FRMD5: variants seen among roughly 807,000 people sequenced by gnomAD.
The protein encoded by FRMD5 is FERM domain-containing protein 5.
FRMD5 carries 20 observed loss-of-function variants against 69.0 expected under a neutral mutation model. That is an observed-to-expected ratio of 0.29 (90% CI 0.20 to 0.42). The LOEUF (loss-of-function observed/expected upper bound fraction) is 0.42, where lower values mean the gene tolerates loss of function less well. FRMD5 is among the 10% of genes least tolerant of loss of function. The probability of loss-of-function intolerance (pLI) is 1.00; values close to 1 mark genes in which losing one functional copy is unlikely to be tolerated. For synonymous variants in FRMD5, 271 were observed against 260.1 expected, an observed-to-expected ratio of 1.04 and a Z score of -0.40; for missense variants, 595 against 708.6, an observed-to-expected ratio of 0.84 and a Z score of 1.82.
chr15:44,001,739 T>G (rs904452131), intron 1 of FRMD5, among the ~76,000 whole-genome samples: 1 of 152,004 alleles, frequency 6.6e-6, no homozygotes, highest in Admixed American at 6.6e-5. Flanking sequence ...CCCAAGTAGC[T>G]GGGACTACAG....
Position 43,902,012 on chromosome 15 carries a change from G to T in FRMD5, c.639+163C>A. On this transcript the variant is annotated intron_variant, in intron 7 of 13. Transcript: ENST00000417257. ...GGCACCACAAAATTATGTAGCATGT[G>T]ATCCAGAGGAGTTTTCAAAGCAGGC... 4.8e-6 allele frequency: 3 copies of T among 630,718 alleles called. No homozygotes were observed. In the South Asian group the frequency reaches 5.9e-5, roughly 12 times the overall value. The allele number at this position is 630,718 out of a possible 1,614,324, so 39.1% of individuals were successfully genotyped here.
intron 1 of FRMD5, among the ~76,000 whole-genome samples, chr15:43,978,022 C>CT (rs936207703): frequency 1.2e-4 from 18 of 151,826 alleles, no homozygotes; most frequent in Non-Finnish European, 2.4e-4. Flanking sequence ...ATTATAAAAA[C>CT]TTTATTATAA....
upstream of FRMD5, among the ~76,000 whole-genome samples, chr15:44,195,438 C>A (rs965972126): frequency 3.3e-5 from 5 of 152,204 alleles, no homozygotes; most frequent in Admixed American, 1.3e-4. Context: ...GAAAAGCAGT[C>A]GGACCTAGTC....
intron 1 of FRMD5, among the ~76,000 whole-genome samples, chr15:44,166,674 C>A (rs112667855): frequency 6.6e-6 from 1 of 150,494 alleles, no homozygotes; most frequent in African/African-American, 2.5e-5. Context: ...ATCCCAGCTA[C>A]TCGGGAGGCT....
intron 1 of FRMD5, among the ~76,000 whole-genome samples, chr15:44,030,405 G>C (rs1338445600): frequency 1.3e-5 from 2 of 152,006 alleles, no homozygotes; most frequent in Admixed American, 6.6e-5. Flanking sequence ...TTGAGCAACA[G>C]TATAATGTAC....
chr15:44,014,077 C>A (rs758593570), intron 1 of FRMD5, among the ~76,000 whole-genome samples: 1 of 152,006 alleles, frequency 6.6e-6, no homozygotes, highest in Non-Finnish European at 1.5e-5. Flanking sequence ...CCAGGCTGAT[C>A]TCGATCTCTG....
At chr15:44,002,609 G>C (rs1004947129) in intron 1 of FRMD5, among the ~76,000 whole-genome samples, 1 of 152,220 alleles carries the variant, frequency 6.6e-6, no homozygotes, top group Non-Finnish European at 1.5e-5. Context: ...CAAGCAGGGG[G>C]TATGTGACTG....
chr15:44,016,651 A>G (rs1376765939), intron 1 of FRMD5, among the ~76,000 whole-genome samples: 1 of 151,796 alleles, frequency 6.6e-6, no homozygotes, highest in African/African-American at 2.4e-5. Context: ...TGAACCCGGG[A>G]GGTGGAGGCT....
chr15:44,132,864 TCTC>T (rs199902521), intron 1 of FRMD5, among the ~76,000 whole-genome samples: 9,159 of 151,858 alleles, frequency 0.06, 388 homozygotes, highest in Non-Finnish European at 0.09. Flanking sequence ...TTCAAGCAAT[TCTC>T]CTGCCTCAGC....
intron 7 of FRMD5, 71 bp downstream of exon 7, chr15:43,902,104 C>T: frequency 9.1e-7 from 1 of 1,099,950 alleles, no homozygotes; most frequent in Non-Finnish European, 1.4e-6. Flanking sequence ...TGAGCGCAGG[C>T]ATGGGGGCTC....
At chr15:44,037,793 T>G (rs1199085966) in intron 1 of FRMD5, among the ~76,000 whole-genome samples, 2 of 151,954 alleles carry the variant, frequency 1.3e-5, no homozygotes, top group African/African-American at 4.8e-5. Context: ...TATAGTAGAA[T>G]GATTTATAAT....
At chr15:44,094,150 C>A (rs2076516734) in intron 1 of FRMD5, among the ~76,000 whole-genome samples, 1 of 152,138 alleles carries the variant, frequency 6.6e-6, no homozygotes, top group Non-Finnish European at 1.5e-5. Flanking sequence ...ATCATGACAA[C>A]AAATCAAGGC....
chr15:44,079,003 T>C (rs865776019), intron 1 of FRMD5, among the ~76,000 whole-genome samples: 3 of 151,890 alleles, frequency 2.0e-5, no homozygotes, highest in Non-Finnish European at 4.4e-5. Flanking sequence ...TGGGAGAAAA[T>C]ATTTGCAAAT....
intron 1 of FRMD5, among the ~76,000 whole-genome samples, chr15:44,115,519 A>T (rs1372851898): frequency 6.6e-6 from 1 of 152,234 alleles, no homozygotes; most frequent in Non-Finnish European, 1.5e-5. Context: ...TCAATCATAC[A>T]TAGGGATGAT....
chr15:43,875,585 C>G (rs1475898137), intron 13 of FRMD5, among the ~76,000 whole-genome samples: 2 of 151,114 alleles, frequency 1.3e-5, no homozygotes, highest in Non-Finnish European at 1.5e-5. Flanking sequence ...TCCAGCGATT[C>G]TTGTGTCTCA....
intron 1 of FRMD5, among the ~76,000 whole-genome samples, chr15:43,958,321 T>C (rs2090145902): frequency 6.7e-6 from 1 of 149,600 alleles, no homozygotes; most frequent in South Asian, 2.1e-4. Flanking sequence ...GGACTGAAAA[T>C]ATAAGAAAAA....
chr15:44,194,716 A>C (rs2078255702), intron 1 of FRMD5: 1 of 612,850 alleles, frequency 1.6e-6, no homozygotes, highest in Non-Finnish European at 2.9e-6. Flanking sequence ...GGTAGGACTT[A>C]GGGGTGTGGG....
intron 1 of FRMD5, among the ~76,000 whole-genome samples, chr15:44,061,664 TAAC>T (rs1361025285): frequency 1.3e-5 from 2 of 152,246 alleles, no homozygotes; most frequent in Non-Finnish European, 2.9e-5. Context: ...ATCAGAATGT[TAAC>T]TTTTCAAAAA....
chr15:44,117,083 C>T (rs1029505080), intron 1 of FRMD5, among the ~76,000 whole-genome samples: 1 of 149,418 alleles, frequency 6.7e-6, no homozygotes, highest in South Asian at 2.1e-4. Flanking sequence ...CCAGCCTGAG[C>T]GACAGAACAA....
Sources: gnomAD v4.1 joint callset for allele counts (sites outside exome capture counted in the v4.1 genomes callset) on GRCh38, gnomAD v4.1.1 for gene constraint, MANE v1.5 for transcripts, NCBI Gene and HGNC (gene_info 2026-07-23, HGNC 2026-07-21) for gene names.